Variants in FNBP1 observed in about 807,000 individuals in gnomAD.
FNBP1 encodes formin binding protein 1.
FNBP1 carries 26 observed loss-of-function variants against 90.6 expected under a neutral mutation model. The observed-to-expected ratio is 0.29, with a 90% CI of 0.21 to 0.40. FNBP1 has a LOEUF of 0.40. FNBP1 is among the 10% of genes least tolerant of loss of function. FNBP1 has a pLI of 1.00. For synonymous variants in FNBP1, 260 were observed against 265.2 expected (o/e 0.98, Z 0.19); for missense variants, 635 against 768.0 (o/e 0.83, Z 2.05).
At chr9:129,911,278 G>A (rs1016291815) in intron 11 of FNBP1, among the ~76,000 whole-genome samples, 1 of 152,144 alleles carries the variant, frequency 6.6e-6, no homozygotes, top group Non-Finnish European at 1.5e-5. Context: ...TTCTGATTGT[G>A]GCCATATGAT....
intron 16 of FNBP1, among the ~76,000 whole-genome samples, chr9:129,893,772 T>C (rs763862126): frequency 5.3e-5 from 8 of 151,254 alleles, no homozygotes; most frequent in South Asian, 2.1e-4. Context: ...AAAAATTAGC[T>C]GGGCATGGTG....
intron 12 of FNBP1, among the ~76,000 whole-genome samples, chr9:129,904,354 C>A (rs1055331816): frequency 6.6e-6 from 1 of 152,146 alleles, no homozygotes; most frequent in Admixed American, 6.6e-5. Flanking sequence ...AAGTTTGGGG[C>A]ATGTTTGGGT....
At chr9:129,961,530 T>C (rs976475563) in intron 4 of FNBP1, among the ~76,000 whole-genome samples, 1 of 152,124 alleles carries the variant, frequency 6.6e-6, no homozygotes, top group African/African-American at 2.4e-5. Flanking sequence ...TGTCTTTTTT[T>C]TGTTCAGTGA....
Position 129,958,451 on chromosome 9 carries a change from T to A in FNBP1, c.408+40A>T, listed in dbSNP as rs545036080. On this transcript the variant is annotated intron_variant, in intron 5 of 16. Transcript: ENST00000446176. Reference sequence around the variant, plus strand: ...CGTCTCAAAAAAAAAGAAAAAAAAATCTATAAAGCCGTTTCTTTTGCTGTG... The same window carrying A: ...CGTCTCAAAAAAAAAGAAAAAAAAAACTATAAAGCCGTTTCTTTTGCTGTG... 1.3e-3 allele frequency: 1,705 copies of A among 1,349,344 alleles called. 18 individuals are homozygous for A. In the African/African-American group the frequency reaches 0.024, roughly 19 times the overall value. 83.6% of individuals were successfully genotyped at this position (1,349,344 alleles called of 1,614,324 possible).
At chr9:130,037,320 C>T (rs1055869576) in intron 1 of FNBP1, among the ~76,000 whole-genome samples, 1 of 151,902 alleles carries the variant, frequency 6.6e-6, no homozygotes, top group East Asian at 1.9e-4. Context: ...CGCCACTGCA[C>T]GCCAGCCTGG....
In FNBP1 at chr9:129,900,344, C is replaced by A; in HGVS notation, c.1550+82G>T. On this transcript the variant is annotated intron_variant, in intron 14 of 16. Transcript: ENST00000446176. The surrounding 1 kb of genome is among the most constrained non-coding windows in gnomAD (Gnocchi z 4.1). ...TGGCATTGAACAAGTGCCTTATGGT[C>A]ATTCCAGATTCCAAAATTTAGAAAT... 1.4e-6 allele frequency: 2 copies of A among 1,386,154 alleles called. No individual in the cohort carries two copies. Among genetic ancestry groups the A allele is most frequent in the South Asian group, 3.2e-5 (2 of 62,104 alleles). 85.9% of individuals were successfully genotyped at this position (1,386,154 alleles called of 1,614,324 possible).
At chr9:130,007,239 C>CAAAAAAAAA (rs72063140) in intron 1 of FNBP1, among the ~76,000 whole-genome samples, 2 of 77,020 alleles carry the variant, frequency 2.6e-5, no homozygotes, top group African/African-American at 5.1e-5. Flanking sequence ...GAGATCCTGT[C>CAAAAAAAAA]AAAAAAAAAA....
chr9:129,954,563 C>A (rs1292243791), intron 6 of FNBP1, among the ~76,000 whole-genome samples: 1 of 151,658 alleles, frequency 6.6e-6, no homozygotes, highest in Admixed American at 6.6e-5. Context: ...GTAAAAAAAA[C>A]TGATTAATGT....
intron 1 of FNBP1, among the ~76,000 whole-genome samples, chr9:130,036,630 T>G (rs1208080790): frequency 6.6e-6 from 1 of 152,182 alleles, no homozygotes; most frequent in African/African-American, 2.4e-5. Flanking sequence ...ATGGCAAAAC[T>G]AAGTTGATTT....
In FNBP1 at chr9:130,020,628, C is replaced by T. The variant is rs114176147; in HGVS notation, c.24+22324G>A. ...TAAACTACTTCGCATCAACATAAAA[C>T]CAAAAGGTACTAAGAATTTAGCAAC... On this transcript the variant is annotated intron_variant, in intron 1 of 16. Coordinates refer to ENST00000446176, the MANE Select transcript of FNBP1 (RefSeq NM_015033.3). 6.9e-3 allele frequency among the ~76,000 whole-genome samples: 1,049 copies of T among 152,204 alleles called. 15 individuals carry two copies. Among genetic ancestry groups the T allele is most frequent in the African/African-American group, 0.024 (1,007 of 41,510 alleles).
At chr9:129,922,736 T>C (rs564783257) in intron 10 of FNBP1, among the ~76,000 whole-genome samples, 6 of 152,340 alleles carry the variant, frequency 3.9e-5, no homozygotes, top group East Asian at 1.9e-4. Context: ...CTGTGACTTA[T>C]GACTCTTCTC....
intron 10 of FNBP1, among the ~76,000 whole-genome samples, chr9:129,923,307 G>C (rs1330757169): frequency 6.6e-6 from 1 of 152,012 alleles, no homozygotes; most frequent in Non-Finnish European, 1.5e-5. Context: ...AAGGCCGGGC[G>C]CAGTGGCTCA....
chr9:130,049,927 A>C, the FNBP1 span, among the ~76,000 whole-genome samples: 3 of 151,962 alleles, frequency 2.0e-5, no homozygotes, highest in Admixed American at 2.0e-4. Flanking sequence ...CCCAGACTGG[A>C]GTGCAGTGGC....
chr9:130,024,201 G>A (rs2058122055), intron 1 of FNBP1, among the ~76,000 whole-genome samples: 1 of 152,056 alleles, frequency 6.6e-6, no homozygotes, highest in Non-Finnish European at 1.5e-5. Context: ...CTTGAGGCCA[G>A]GAGTTCAAGG....
chr9:130,001,646 C>A lies in FNBP1; in HGVS notation c.25-6688G>T, dbSNP rs187123712. On this transcript the variant is annotated intron_variant, in intron 1 of 16. Coordinates refer to ENST00000446176, the MANE Select transcript of FNBP1 (RefSeq NM_015033.3). ...CCTGTAATCCCAGCACTTTGGGAGG[C>A]TGAGGCAGGTGGCTCACCTGAGGTC... is the stretch of plus-strand genomic sequence containing the variant. Among the ~76,000 whole-genome samples, 333 of 152,180 alleles carry A rather than the reference C, an allele frequency of 2.2e-3. 2 individuals are homozygous for A. Among genetic ancestry groups the A allele is most frequent in the Non-Finnish European group, 2.4e-3 (166 of 67,988 alleles).
chr9:129,897,325 G>A (rs1350738548), intron 15 of FNBP1, among the ~76,000 whole-genome samples: 2 of 152,194 alleles, frequency 1.3e-5, no homozygotes, highest in Non-Finnish European at 2.9e-5. Context: ...TTTTCTGCAA[G>A]GCAAAGAGTT....
intron 10 of FNBP1, among the ~76,000 whole-genome samples, chr9:129,922,764 T>C (rs75582101): frequency 6.6e-6 from 1 of 152,232 alleles, no homozygotes; most frequent in Non-Finnish European, 1.5e-5. Context: ...CCCTGAGGCA[T>C]AGCTCAGGCA....
intron 4 of FNBP1, among the ~76,000 whole-genome samples, chr9:129,976,209 T>C (rs2050281954): frequency 6.6e-6 from 1 of 152,142 alleles, no homozygotes; most frequent in Admixed American, 6.6e-5. Flanking sequence ...TATAGACATT[T>C]TGGGCCAGGT....
chr9:129,939,173 G>A (rs1405884765), intron 6 of FNBP1, among the ~76,000 whole-genome samples: 2 of 152,098 alleles, frequency 1.3e-5, no homozygotes, highest in Admixed American at 6.5e-5. Flanking sequence ...TGGATCACCT[G>A]AGGTCAGGAG....
Sources: gnomAD v4.1 joint callset for allele counts (sites outside exome capture counted in the v4.1 genomes callset) on GRCh38, gnomAD v4.1.1 for gene constraint, Gnocchi (gnomAD v3.1) non-coding constraint, MANE v1.5 for transcripts, NCBI Gene and HGNC (gene_info 2026-07-23, HGNC 2026-07-21) for gene names.